The following NAALADL1 variants were observed in gnomAD, a reference collection of about 807,000 sequenced individuals.
The protein encoded by NAALADL1 is aminopeptidase NAALADL1.
NAALADL1 carries 77 observed loss-of-function variants against 82.8 expected under a neutral mutation model. The observed-to-expected ratio is 0.93, with a 90% CI of 0.77 to 1.12. NAALADL1 has a LOEUF of 1.12. Ranked by LOEUF, NAALADL1 falls within the 50% of genes most tolerant of loss-of-function variation. The pLI, the probability that NAALADL1 is intolerant of heterozygous loss-of-function variation, is 0.00. For synonymous variants in NAALADL1, 358 were observed against 399.2 expected (o/e 0.90, Z 1.23); for missense variants, 956 against 964.0 (o/e 0.99, Z 0.11).
At position 65,058,130 on chromosome 11, in the gene NAALADL1, GTACGTGGAGGCCTC is replaced by G; in HGVS notation, c.292_305del (p.Glu98ArgfsTer8). The G allele has an allele frequency of 6.2e-7, 1 of 1,613,774 alleles. No individual in the cohort carries two copies. Among genetic ancestry groups the G allele is most frequent in the Non-Finnish European group, 8.5e-7 (1 of 1,179,810 alleles). Reference sequence around the variant, plus strand: ...GGCTAGGGAAGGACAGCAGCACTTCGTACGTGGAGGCCTCGGCCGAGTCCAGGCCTGACTCTGGG... The same window carrying G: ...GGCTAGGGAAGGACAGCAGCACTTCGGGCCGAGTCCAGGCCTGACTCTGGG... On this transcript the variant is annotated frameshift_variant, in exon 2 of 18. Transcript: ENST00000358658. LOFTEE classifies it high-confidence loss of function.
chr11:65,048,074 T>C (rs748240709), intron 10 of NAALADL1, 26 bp from the exon 11 acceptor site: 7 of 1,613,394 alleles, frequency 4.3e-6, no homozygotes, highest in Non-Finnish European at 5.9e-6. Flanking sequence ...AGAAAGACTA[T>C]TTGGGCCCCA....
intron 11 of NAALADL1, 117 bp from the exon 12 acceptor site, chr11:65,047,855 G>T: frequency 6.8e-7 from 1 of 1,464,018 alleles, no homozygotes; most frequent in Non-Finnish European, 9.2e-7. Flanking sequence ...GCTTGCCCCA[G>T]CCTCAGTCCA....
At chr11:65,057,771 G>A (rs77365065) in intron 3 of NAALADL1, 104 bp downstream of exon 3, 23,808 of 1,528,874 alleles carry the variant, frequency 0.016, 222 homozygotes, top group Non-Finnish European at 0.019. Context: ...TCCGGAGGGC[G>A]CGCTGTGCCC....
At position 65,046,218 on chromosome 11, in the gene NAALADL1, G is replaced by A. The variant is rs948579924; in HGVS notation, c.1826C>T (p.Ala609Val). 6.2e-7 allele frequency: 1 copy of A among 1,614,064 alleles called. No individual in the cohort carries two copies. ...GCTGATGCTGTGCTGCTCCAGCAGG[G>A]CCCCAAGATCTTGCTGGGCTGCCTG... Reference protein sequence around the residue: ...FLQAAQQDLGALLEQHSISLG... With the variant: ...FLQAAQQDLGVLLEQHSISLG... Residue 609 changes from alanine to valine, a missense_variant, in exon 15 of 18, where the codon GCC (alanine) becomes GTC (valine). Transcript: ENST00000358658.
Position 65,046,300 on chromosome 11 carries a change from TG to T in NAALADL1, c.1743del (p.Asp581GlufsTer42), listed in dbSNP as rs1378439275. 1 of 1,614,178 alleles carries T rather than the reference TG, an allele frequency of 6.2e-7. No individual in the cohort carries two copies. Among genetic ancestry groups the T allele is most frequent in the Non-Finnish European group, 8.5e-7 (1 of 1,180,018 alleles). On this transcript the variant is annotated frameshift_variant, in exon 15 of 18. Transcript: ENST00000358658. LOFTEE classifies it high-confidence loss of function. ...TAGSVILRLS[D>X]SFFLPLKVSD... ...CTGACTTTGAGGGGCAGGAAGAAGC[TG>T]TCACTGAGCCGGAGAATCACACTCC...
rs1217287867 is a variant in NAALADL1, at chr11:65,053,197, C to T, written c.1198+21G>A. 1 of 1,523,764 alleles carries T rather than the reference C, an allele frequency of 6.6e-7. No individual in the cohort carries two copies. Among genetic ancestry groups the T allele is most frequent in the East Asian group, 2.4e-5 (1 of 41,170 alleles). 94.4% of individuals were successfully genotyped at this position (1,523,764 alleles called of 1,614,324 possible). On this transcript the variant is annotated intron_variant, in intron 8 of 17. Coordinates refer to ENST00000358658, the MANE Select transcript of NAALADL1 (RefSeq NM_005468.3). The surrounding 1 kb of genome is among the most constrained non-coding windows in gnomAD (Gnocchi z 4.3). ...CCTCCGGGGGCGAAGGTCCCTGGTC[C>T]AGGGGAGGGGGCCGCCTCACCCTTC...
rs1946989168 is a variant in NAALADL1, at chr11:65,054,688, G to T, written c.654C>A (p.Asp218Glu). The T allele has an allele frequency of 3.1e-6, 5 of 1,614,104 alleles. No homozygotes were observed. The highest frequency in any genetic ancestry group is 4.2e-6 in the Non-Finnish European group (5 of 1,180,032). Residue 218 changes from aspartate to glutamate, a missense_variant, in exon 5 of 18, where the codon GAC becomes GAA. By Grantham distance (45) the Asp-to-Glu change is conservative. Coordinates refer to ENST00000358658, the MANE Select transcript of NAALADL1 (RefSeq NM_005468.3). This position sits in a 1 kb window ranked among gnomAD's most constrained non-coding sequence, Gnocchi z 4.3. The stretch of plus-strand genomic sequence containing the variant: ...TCAGCCCATCGTTGATGTCGGCAGG[G>T]TCTGTGTACACCAGCACCCCAGCTA... ...HGVAGVLVYT[D>E]PADINDGLSS...
intron 8 of NAALADL1, among the ~76,000 whole-genome samples, chr11:65,050,406 A>G (rs1946854774): frequency 1.4e-5 from 2 of 148,040 alleles, no homozygotes; most frequent in Admixed American, 6.7e-5. Flanking sequence ...CAGACCTAGG[A>G]GGCAGAGCTT....
Position 65,058,517 on chromosome 11 carries a change from T to C in NAALADL1, c.5A>G (p.Gln2Arg). 1 of 1,592,944 alleles carries C rather than the reference T, an allele frequency of 6.3e-7. No homozygotes were observed. Among genetic ancestry groups the C allele is most frequent in the Non-Finnish European group, 8.5e-7 (1 of 1,170,078 alleles). ...CCCCAGCCCCAACACCTTCGTCCACTGCATCCTGCGGACTCTTGGCCAGCT... is the reference window on the plus strand; with the variant it reads ...CCCCAGCCCCAACACCTTCGTCCACCGCATCCTGCGGACTCTTGGCCAGCT... Reference protein sequence around the residue: MQWTKVLGLGLG... With the variant: MRWTKVLGLGLG... The change falls in exon 1 of 18, where the codon CAG (glutamine) becomes CGG (arginine). Residue 2 changes from glutamine (Q) to arginine (R), a missense_variant. Physicochemically the swap from Gln to Arg is conservative, Grantham distance 43. Transcript: ENST00000358658.
intron 8 of NAALADL1, among the ~76,000 whole-genome samples, chr11:65,050,092 T>C (rs1307444575): frequency 6.6e-6 from 1 of 150,896 alleles, no homozygotes; most frequent in Admixed American, 6.6e-5. Context: ...GCCAGGCTGG[T>C]GTTGAACTCC....
chr11:65,058,179 C>CGCTGCAGCAGCA lies in NAALADL1; in HGVS notation c.245_256dup (p.Leu82_Gln85dup). ...CAGGCCTGACTCTGGGTCCTTCCAG[C>CGCTGCAGCAGCA]GCTGCAGCAGCAGCTGCACCAGGTC... On this transcript the variant is annotated inframe_insertion, in exon 2 of 18. Coordinates refer to ENST00000358658, the MANE Select transcript of NAALADL1 (RefSeq NM_005468.3). 6.2e-7 allele frequency: 1 copy of CGCTGCAGCAGCA among 1,613,856 alleles called. No individual in the cohort carries two copies. Among genetic ancestry groups the CGCTGCAGCAGCA allele is most frequent in the African/African-American group, 1.3e-5 (1 of 75,056 alleles).
Position 65,046,437 on chromosome 11 carries a change from C to A in NAALADL1, c.1681+8G>T. 1 of 1,614,148 alleles carries A rather than the reference C, an allele frequency of 6.2e-7. No homozygotes were observed. Among genetic ancestry groups the A allele is most frequent in the Non-Finnish European group, 8.5e-7 (1 of 1,179,996 alleles). On this transcript the variant is annotated splice_region_variant and intron_variant, in intron 14 of 17. Transcript: ENST00000358658. Reference sequence around the variant, plus strand: ...TGGTCTCAGGATGCCCCTTGTCTCCCTCCTCACCCGGGTCCAAAAACTTGT... The same window carrying A: ...TGGTCTCAGGATGCCCCTTGTCTCCATCCTCACCCGGGTCCAAAAACTTGT...
At chr11:65,048,793 T>C (rs1182168254) in intron 8 of NAALADL1, among the ~76,000 whole-genome samples, 1 of 152,166 alleles carries the variant, frequency 6.6e-6, no homozygotes, top group African/African-American at 2.4e-5. Context: ...GAGATACTAT[T>C]ATTATTTCCA....
At chr11:65,058,698 A>T (rs954778387), upstream of NAALADL1, 1 of 620,880 alleles carries the variant, frequency 1.6e-6, no homozygotes, top group African/African-American at 1.9e-5. Flanking sequence ...CATCCACCAC[A>T]TCCTGCACCA....
chr11:65,047,705 A>G lies in NAALADL1; in HGVS notation c.1450T>C (p.Tyr484His). ...RSPGPGDLSI[Y>H]DNWIRYFNRS... ...TTGAAGTACCGGATCCAGTTGTCGTAGATGCTCAGGTCGCCAGGGCCTGGT... is the reference window on the plus strand; with the variant it reads ...TTGAAGTACCGGATCCAGTTGTCGTGGATGCTCAGGTCGCCAGGGCCTGGT... Residue 484 changes from tyrosine (Y) to histidine (H), a missense_variant, in exon 12 of 18, where the codon TAC becomes CAC. Tyr to His is a moderately conservative substitution (Grantham distance 83). Transcript: ENST00000358658. 6.2e-7 allele frequency: 1 copy of G among 1,607,884 alleles called. No homozygotes were observed. The highest frequency in any genetic ancestry group is 8.5e-7 in the Non-Finnish European group (1 of 1,177,974).
rs1946724852 is a variant in NAALADL1, at chr11:65,046,315, G to A, written c.1729C>T (p.Leu577Phe). ...AGGAAGAAGCTGTCACTGAGCCGGA[G>A]AATCACACTCCCCGCTGTCCGGGCC... ...AVARTAGSVI[L>F]RLSDSFFLPL... Residue 577 changes from leucine to phenylalanine, a missense_variant, in exon 15 of 18, where the codon CTC becomes TTC. By Grantham distance (22) the Leu-to-Phe change is conservative. Transcript: ENST00000358658. The A allele has an allele frequency of 6.2e-7, 1 of 1,614,072 alleles. No homozygotes were observed. The highest frequency in any genetic ancestry group is 1.7e-5 in the Admixed American group (1 of 60,000).
chr11:65,046,140 T>C (rs1393151265), intron 15 of NAALADL1, 26 bp from the exon 16 acceptor site: 1 of 1,614,012 alleles, frequency 6.2e-7, no homozygotes, highest in African/African-American at 1.3e-5. Context: ...AGTGGCTCAG[T>C]CATGGGGGTG....
rs541964600 is a variant in NAALADL1 at position 65,046,508 on chromosome 11, T to G, written c.1618A>C (p.Ile540Leu). 2.5e-6 allele frequency: 4 copies of G among 1,614,134 alleles called. No individual in the cohort carries two copies. In the South Asian group the frequency reaches 3.3e-5, roughly 13 times the overall value. ...AAGGCTGTGTGGTAGGTGGGGTAGA[T>G]CCTGGCTGAAGTCTTGCTCTGGGGG... ...TYDRSKTSAR[I>L]YPTYHTAFDT... Residue 540 changes from isoleucine to leucine, a missense_variant, in exon 14 of 18, where the codon ATC becomes CTC. Coordinates refer to ENST00000358658, the MANE Select transcript of NAALADL1 (RefSeq NM_005468.3).
rs778398690 is a variant in NAALADL1 at position 65,053,323 on chromosome 11, AC to A, written c.1092del (p.Tyr365MetfsTer33). 6.4e-7 allele frequency: 1 copy of A among 1,571,916 alleles called. No homozygotes were observed. The highest frequency in any genetic ancestry group is 1.4e-5 in the African/African-American group (1 of 73,888). On this transcript the variant is annotated frameshift_variant, in exon 8 of 18. Transcript: ENST00000358658. LOFTEE classifies it high-confidence loss of function. The surrounding 1 kb of genome is among the most constrained non-coding windows in gnomAD (Gnocchi z 4.3). ...ACCCAGCTGTCTCGGTGGTTCCCAT[AC>A]AGCACGTAGCGATCTGGCCAGAGGA... The part of the protein sequence containing the change: ...RGAVEPDRYV[L>X]YGNHRDSWVH...
Sources: gnomAD v4.1 joint callset for allele counts (sites outside exome capture counted in the v4.1 genomes callset) on GRCh38, gnomAD v4.1.1 for gene constraint, Gnocchi (gnomAD v3.1) non-coding constraint, MANE v1.5 for transcripts, NCBI Gene and HGNC (gene_info 2026-07-23, HGNC 2026-07-21) for gene names.